The following MIS18A variants were observed in gnomAD, a reference collection of about 807,000 sequenced individuals.
MIS18A encodes MIS18 kinetochore protein A.
A neutral mutation model predicts 25.0 loss-of-function variants in MIS18A; 14 were observed. The observed-to-expected ratio is 0.56, with a 90% confidence interval of 0.37 to 0.88. MIS18A has a LOEUF of 0.88. MIS18A is among the 40% of genes least tolerant of loss of function. The probability of loss-of-function intolerance (pLI) is 0.00; values close to 1 mark genes in which losing one functional copy is unlikely to be tolerated. For missense variants in MIS18A, 292 were observed against 290.8 expected, an observed-to-expected ratio of 1.00 and a Z score of -0.03; for synonymous variants, 134 against 118.6, an observed-to-expected ratio of 1.13 and a Z score of -0.84.
rs576642959 is a variant in MIS18A at position 32,278,653 on chromosome 21, C to A, written c.334+28G>T. The A allele has an allele frequency of 1.7e-4, 254 of 1,478,420 alleles. 8 individuals carry two copies. In the South Asian group the frequency reaches 2.6e-3, roughly 15 times the overall value. 91.6% of individuals were successfully genotyped at this position (1,478,420 alleles called of 1,614,324 possible). A position where few individuals can be genotyped will look rare whatever the true frequency, so the allele number is the denominator to read the frequency against. On this transcript the variant is annotated intron_variant, in intron 1 of 4. Coordinates refer to ENST00000290130, the MANE Select transcript of MIS18A (RefSeq NM_018944.3). ...CCCCTGGAAGAAGGCGACCCCACGC[C>A]CCCCCTGCCCGGCTCGACCCAACTG... is the stretch of plus-strand genomic sequence containing the variant.
chr21:32,277,580 G>A (rs1420091158), intron 1 of MIS18A, among the ~76,000 whole-genome samples: 2 of 152,192 alleles, frequency 1.3e-5, no homozygotes, highest in Non-Finnish European at 2.9e-5. Flanking sequence ...AGCCTCCGGA[G>A]TGGCTAGGAT....
chr21:32,249,151 AT>A, the MIS18A span, among the ~76,000 whole-genome samples: 1 of 152,132 alleles, frequency 6.6e-6, no homozygotes, highest in Non-Finnish European at 1.5e-5. Flanking sequence ...GCCATCTTGT[AT>A]TTCAACGTGG....
downstream of MIS18A, among the ~76,000 whole-genome samples, chr21:32,265,874 T>G (rs558566154): frequency 1.3e-5 from 2 of 152,284 alleles, no homozygotes; most frequent in East Asian, 3.9e-4. Context: ...TGTGTTTAGC[T>G]CAAGGTTTGT....
At chr21:32,166,859 G>A in the MIS18A span, among the ~76,000 whole-genome samples, 3 of 152,084 alleles carry the variant, frequency 2.0e-5, no homozygotes, top group Non-Finnish European at 4.4e-5. Context: ...GGGAGAAAGG[G>A]TAACTTTACA....
downstream of MIS18A, among the ~76,000 whole-genome samples, chr21:32,264,375 A>G (rs1199628033): frequency 6.6e-6 from 1 of 152,226 alleles, no homozygotes. Flanking sequence ...TAGTTTAGAA[A>G]AAATATATAG....
the MIS18A span, chr21:32,156,508 A>G: frequency 6.6e-6 from 1 of 152,200 alleles, no homozygotes; most frequent in Non-Finnish European, 1.5e-5. Context: ...TGGTACTAGA[A>G]AGGGGAAAAC....
the MIS18A span, among the ~76,000 whole-genome samples, chr21:32,212,498 C>T: frequency 1.3e-5 from 2 of 152,150 alleles, no homozygotes; most frequent in Non-Finnish European, 2.9e-5. Flanking sequence ...AGGGCTGAAA[C>T]TGAAGGGGGA....
At chr21:32,220,538 A>T in the MIS18A span, among the ~76,000 whole-genome samples, 4 of 152,326 alleles carry the variant, frequency 2.6e-5, no homozygotes, top group African/African-American at 7.2e-5. Flanking sequence ...AGCACAAAAA[A>T]GCTGAAAATT....
chr21:32,229,278 C>T, the MIS18A span, among the ~76,000 whole-genome samples: 1 of 152,180 alleles, frequency 6.6e-6, no homozygotes, highest in Non-Finnish European at 1.5e-5. Context: ...TAACCAAGTG[C>T]TATGTCTAAA....
At chr21:32,258,638 A>G in the MIS18A span, among the ~76,000 whole-genome samples, 1 of 152,278 alleles carries the variant, frequency 6.6e-6, no homozygotes, top group Non-Finnish European at 1.5e-5. Context: ...AAAAATGACT[A>G]CGGTACTCAG....
Position 32,270,075 on chromosome 21 carries a change from TA to T in MIS18A, c.525-273del, listed in dbSNP as rs1217106453. 2.0e-5 allele frequency among the ~76,000 whole-genome samples: 3 copies of T among 152,074 alleles called. No homozygotes were observed. The South Asian group carries it at 6.2e-4, about 32-fold the overall frequency. ...GGCGACAGAGTGAGACCCCATATCT[TA>T]AAAAAATAAGTTTTAAAATAAATAA... On this transcript the variant is annotated intron_variant, in intron 3 of 4. Coordinates refer to ENST00000290130, the MANE Select transcript of MIS18A (RefSeq NM_018944.3).
At chr21:32,186,316 A>C in the MIS18A span, among the ~76,000 whole-genome samples, 5 of 152,228 alleles carry the variant, frequency 3.3e-5, no homozygotes, top group Admixed American at 2.0e-4. Flanking sequence ...AAAATAGAAG[A>C]AGACAGCAAA....
chr21:32,251,135 A>G, the MIS18A span, among the ~76,000 whole-genome samples: 29,378 of 152,118 alleles, frequency 0.19, 3,051 homozygotes, highest in East Asian at 0.24. Flanking sequence ...GCCCTGAAGA[A>G]CTACGAGTCA....
the MIS18A span, among the ~76,000 whole-genome samples, chr21:32,175,495 G>C: frequency 6.6e-6 from 1 of 150,630 alleles, no homozygotes; most frequent in Non-Finnish European, 1.5e-5. Flanking sequence ...TGGCTCTTTT[G>C]TAATAACACT....
chr21:32,209,146 A>T, the MIS18A span, among the ~76,000 whole-genome samples: 1 of 139,144 alleles, frequency 7.2e-6, no homozygotes, highest in East Asian at 2.2e-4. Flanking sequence ...CCAGATAATA[A>T]TAAATTCTGA....
chr21:32,211,028 C>T, the MIS18A span, among the ~76,000 whole-genome samples: 2 of 152,136 alleles, frequency 1.3e-5, no homozygotes, highest in African/African-American at 4.8e-5. Flanking sequence ...CAAAAGCCAA[C>T]CAATAGGCAA....
rs185145742 is a variant in MIS18A at position 32,271,483 on chromosome 21, G to A, written c.402-954C>T. On this transcript the variant is annotated intron_variant, in intron 2 of 4. Transcript: ENST00000290130. Reference sequence around the variant, plus strand: ...TACTGAGACACTGTTAATTATTACAGCAACATATGGAACAAAGAACAAAAT... The same window carrying A: ...TACTGAGACACTGTTAATTATTACAACAACATATGGAACAAAGAACAAAAT... Among the ~76,000 whole-genome samples the A allele has an allele frequency of 3.5e-3, 533 of 152,248 alleles. 7 individuals are homozygous for A. Among genetic ancestry groups the A allele is most frequent in the African/African-American group, 0.012 (504 of 41,546 alleles).
At chr21:32,258,202 C>G in the MIS18A span, among the ~76,000 whole-genome samples, 1 of 152,098 alleles carries the variant, frequency 6.6e-6, no homozygotes, top group Non-Finnish European at 1.5e-5. Context: ...GTCATGAAAA[C>G]AGAAAACGAC....
the MIS18A span, among the ~76,000 whole-genome samples, chr21:32,244,787 A>C: frequency 1.3e-5 from 2 of 152,206 alleles, no homozygotes; most frequent in African/African-American, 4.8e-5. Context: ...CATTAAGCCA[A>C]GAGTTTTTTG....
Sources: gnomAD v4.1 joint callset for allele counts (sites outside exome capture counted in the v4.1 genomes callset) on GRCh38, gnomAD v4.1.1 for gene constraint, MANE v1.5 for transcripts, NCBI Gene and HGNC (gene_info 2026-07-23, HGNC 2026-07-21) for gene names.